PAX5: variants seen among roughly 807,000 people sequenced by gnomAD.
PAX5 encodes paired box protein Pax-5.
Under a neutral mutation model 43.7 loss-of-function variants are expected in PAX5, and 9 were observed. The ratio of observed to expected loss-of-function variants is 0.21; its 90% confidence interval spans 0.12 to 0.36. PAX5 has a LOEUF of 0.36. Among genes scored for constraint, PAX5 ranks in the 10% least tolerant of loss-of-function variants. PAX5 has a pLI of 1.00. For missense variants in PAX5, 383 were observed against 532.7 expected (o/e 0.72, Z 2.77); for synonymous variants, 228 against 214.3 (o/e 1.06, Z -0.56).
intron 6 of PAX5, among the ~76,000 whole-genome samples, chr9:36,949,217 C>T (rs935065964): frequency 1.2e-4 from 17 of 142,344 alleles, no homozygotes; most frequent in African/African-American, 3.7e-4. Context: ...CCCGCCACCA[C>T]GCCTGGCTAA....
intron 8 of PAX5, among the ~76,000 whole-genome samples, chr9:36,876,367 C>G (rs1442257740): frequency 6.6e-6 from 1 of 152,256 alleles, no homozygotes. Flanking sequence ...CACAGGGACC[C>G]CACCTAGTGC....
intron 8 of PAX5, among the ~76,000 whole-genome samples, chr9:36,858,669 C>T (rs1026439969): frequency 7.2e-4 from 109 of 152,320 alleles, no homozygotes; most frequent in African/African-American, 2.5e-3. Context: ...TGGCTCCCAG[C>T]CTCCAAAAAT....
At chr9:36,935,732 G>A (rs1372970461) in intron 6 of PAX5, among the ~76,000 whole-genome samples, 1 of 152,252 alleles carries the variant, frequency 6.6e-6, no homozygotes, top group Non-Finnish European at 1.5e-5. Context: ...CCTGGCACTT[G>A]AAATCCACCA....
intron 8 of PAX5, among the ~76,000 whole-genome samples, chr9:36,858,743 A>C (rs1448131988): frequency 6.6e-6 from 1 of 151,832 alleles, no homozygotes; most frequent in Non-Finnish European, 1.5e-5. Flanking sequence ...GCCTTCAGGA[A>C]CTCCTTCGCT....
intron 8 of PAX5, among the ~76,000 whole-genome samples, chr9:36,880,172 G>A (rs772253611): frequency 1.3e-5 from 2 of 152,276 alleles, no homozygotes; most frequent in Non-Finnish European, 2.9e-5. Flanking sequence ...GTGCCAGGAT[G>A]TGGCCATAGG....
chr9:36,959,216 T>A (rs1378878333), intron 6 of PAX5, among the ~76,000 whole-genome samples: 1 of 152,260 alleles, frequency 6.6e-6, no homozygotes, highest in Non-Finnish European at 1.5e-5. Context: ...TTAGAATCAT[T>A]CTTTCAGGTT....
chr9:36,892,229 G>A (rs971542359), intron 7 of PAX5, among the ~76,000 whole-genome samples: 1 of 152,194 alleles, frequency 6.6e-6, no homozygotes, highest in African/African-American at 2.4e-5. Context: ...TATTTATGGC[G>A]CAAGGATTCC....
At chr9:37,019,309 A>T (rs941206257) in intron 2 of PAX5, among the ~76,000 whole-genome samples, 3 of 152,160 alleles carry the variant, frequency 2.0e-5, no homozygotes, top group East Asian at 3.9e-4. Context: ...CAAGAAAACC[A>T]TGTTAATGTC....
chr9:36,867,118 A>G (rs1359873939), intron 8 of PAX5, among the ~76,000 whole-genome samples: 4 of 150,784 alleles, frequency 2.7e-5, no homozygotes, highest in African/African-American at 9.8e-5. Context: ...ATTTCTTTGC[A>G]TTTGTTTTTC....
intron 4 of PAX5, among the ~76,000 whole-genome samples, chr9:37,005,930 G>A (rs1014717747): frequency 5.3e-5 from 8 of 152,130 alleles, no homozygotes; most frequent in Admixed American, 2.6e-4. Flanking sequence ...ACTCTCAGAC[G>A]TCACCTGCGA....
At chr9:36,959,766 G>A (rs1833795626) in intron 6 of PAX5, among the ~76,000 whole-genome samples, 1 of 152,224 alleles carries the variant, frequency 6.6e-6, no homozygotes, top group South Asian at 2.1e-4. Flanking sequence ...AGAGTCAGTG[G>A]GCAGCCTGTG....
intron 4 of PAX5, 152 bp from the exon 5 acceptor site, chr9:37,002,928 C>T: frequency 2.2e-6 from 2 of 901,308 alleles, no homozygotes; most frequent in South Asian, 3.6e-5. Context: ...GGCGGCCACA[C>T]CTGAGCCACG....
chr9:36,996,686 C>A (rs974535468), intron 5 of PAX5, among the ~76,000 whole-genome samples: 1 of 152,214 alleles, frequency 6.6e-6, no homozygotes, highest in African/African-American at 2.4e-5. Context: ...CTGCCCATGT[C>A]AGAGGGGCCC....
chr9:36,906,024 A>G (rs1358413664), intron 7 of PAX5, among the ~76,000 whole-genome samples: 3 of 152,202 alleles, frequency 2.0e-5, no homozygotes, highest in African/African-American at 7.2e-5. Context: ...AAGAACAGGC[A>G]GAAACGGAGC....
rs371575588 is a variant in PAX5 at position 36,961,801 on chromosome 9, T to TAC, written c.780+4746_780+4747dup. On this transcript the variant is annotated intron_variant, in intron 6 of 9. Transcript: ENST00000358127. Reference sequence around the variant, plus strand: ...GAAACAGATACCACTGTTGGAAACATACACACACACACGCACGCACATACA... The same window carrying TAC: ...GAAACAGATACCACTGTTGGAAACATACACACACACACACGCACGCACATACA... Among the ~76,000 whole-genome samples the TAC allele has an allele frequency of 1.1e-3, 164 of 151,936 alleles. 1 individual carries two copies. The highest frequency in any genetic ancestry group is 1.6e-3 in the Non-Finnish European group (107 of 67,960).
chr9:36,957,397 T>C (rs1322617555), intron 6 of PAX5, among the ~76,000 whole-genome samples: 1 of 152,156 alleles, frequency 6.6e-6, no homozygotes, highest in Admixed American at 6.5e-5. Context: ...CTAGAAACGG[T>C]TGGGAAGGTA....
chr9:37,033,745 C>T (rs1365285654), intron 1 of PAX5, among the ~76,000 whole-genome samples: 1 of 152,172 alleles, frequency 6.6e-6, no homozygotes, highest in Non-Finnish European at 1.5e-5. Context: ...TGCAGACCCC[C>T]GGAAGGACGC....
At chr9:37,026,111 A>G (rs777848420) in intron 1 of PAX5, among the ~76,000 whole-genome samples, 23 of 152,210 alleles carry the variant, frequency 1.5e-4, no homozygotes, top group Admixed American at 6.5e-5. Context: ...TCCAAGCGCC[A>G]GTCTGGATCA....
At chr9:36,859,460 C>T (rs1362723208) in intron 8 of PAX5, among the ~76,000 whole-genome samples, 2 of 152,104 alleles carry the variant, frequency 1.3e-5, no homozygotes, top group African/African-American at 4.8e-5. Context: ...CTCCCAGGGC[C>T]TCTCCCTCCC....
Sources: gnomAD v4.1 joint callset for allele counts (sites outside exome capture counted in the v4.1 genomes callset) on GRCh38, gnomAD v4.1.1 for gene constraint, MANE v1.5 for transcripts, NCBI Gene and HGNC (gene_info 2026-07-23, HGNC 2026-07-21) for gene names.